Variants in UBR1 observed in about 807,000 individuals in gnomAD.
UBR1 encodes ubiquitin protein ligase E3 component n-recognin 1, also known as E3 ubiquitin-protein ligase UBR1.
Under a neutral mutation model 242.1 loss-of-function variants are expected in UBR1, and 102 were observed. The ratio of observed to expected loss-of-function variants is 0.42; its 90% CI spans 0.36 to 0.50. The LOEUF (loss-of-function observed/expected upper bound fraction) is 0.50, where lower values mean the gene tolerates loss of function less well. UBR1 is among the 20% of genes least tolerant of loss of function. The pLI, the probability that UBR1 is intolerant of heterozygous loss-of-function variation, is 0.01. For synonymous variants in UBR1, 675 were observed against 684.8 expected (o/e 0.99, Z 0.22); for missense variants, 1,772 against 2,101.8 (o/e 0.84, Z 3.07).
chr15:43,007,314 C>G (rs2141289598), intron 29 of UBR1, 30 bp from the exon 30 acceptor site: 1 of 1,609,236 alleles, frequency 6.2e-7, no homozygotes, highest in East Asian at 2.2e-5. Flanking sequence ...GAAATGAGGA[C>G]ACATGTTTTG....
intron 15 of UBR1, among the ~76,000 whole-genome samples, chr15:43,041,603 A>C (rs2033418958): frequency 6.6e-6 from 1 of 152,180 alleles, no homozygotes; most frequent in Non-Finnish European, 1.5e-5. Flanking sequence ...AAAAAACAAA[A>C]AAACAAAAAA....
chr15:42,968,231 A>C (rs1242443938), intron 40 of UBR1, among the ~76,000 whole-genome samples: 1 of 152,118 alleles, frequency 6.6e-6, no homozygotes, highest in East Asian at 1.9e-4. Flanking sequence ...ACAAAAGTAA[A>C]GATGTGTTGA....
intron 1 of UBR1, among the ~76,000 whole-genome samples, chr15:43,087,100 G>A (rs1216921706): frequency 6.6e-6 from 1 of 152,120 alleles, no homozygotes; most frequent in Non-Finnish European, 1.5e-5. Context: ...CTTATCCAAG[G>A]AGTTTTACAA....
At chr15:42,953,909 G>A (rs1481029844) in intron 44 of UBR1, among the ~76,000 whole-genome samples, 2 of 149,144 alleles carry the variant, frequency 1.3e-5, no homozygotes, top group Admixed American at 1.3e-4. Flanking sequence ...TTGAGACAGG[G>A]TCTGGCTCTG....
intron 40 of UBR1, among the ~76,000 whole-genome samples, chr15:42,969,164 T>A (rs1452690989): frequency 6.6e-6 from 1 of 152,196 alleles, no homozygotes; most frequent in Non-Finnish European, 1.5e-5. Context: ...TTTCTCCACA[T>A]CCTCTCCAGC....
Position 43,059,152 on chromosome 15 carries a change from T to G in UBR1, c.1026A>C (p.Glu342Asp), listed in dbSNP as rs2033652682. The stretch of plus-strand genomic sequence containing the variant: ...GACAGGGATTCTCCGAGTCAGGTTC[T>G]TCTCTAAGGCATGCTTGGCAAAAGA... ...RQIFCQACLR[E>D]EPDSENPCLI... The change falls in exon 9 of 47, where the codon GAA (glutamate) becomes GAC (aspartate). Residue 342 changes from glutamate (E) to aspartate (D), a missense_variant. Around this residue, in one of 3 missense-constraint regions of UBR1, gnomAD observed 734 missense variants for 893.3 expected, o/e 0.82. Transcript: ENST00000290650. The G allele has an allele frequency of 6.2e-6, 10 of 1,614,068 alleles. No individual in the cohort carries two copies. Among genetic ancestry groups the G allele is most frequent in the Non-Finnish European group, 7.6e-6 (9 of 1,180,036 alleles).
chr15:42,986,618 C>T (rs575788365), intron 35 of UBR1, among the ~76,000 whole-genome samples: 8 of 152,352 alleles, frequency 5.3e-5, no homozygotes, highest in Middle Eastern at 3.4e-3. Flanking sequence ...ATATAAACCT[C>T]ACCTTTCCTA....
intron 15 of UBR1, among the ~76,000 whole-genome samples, chr15:43,041,996 G>A (rs1476159927): frequency 2.0e-5 from 3 of 152,138 alleles, no homozygotes; most frequent in Non-Finnish European, 4.4e-5. Flanking sequence ...ATATCCATTA[G>A]AATGGTTATT....
chr15:43,067,225 G>GT lies in UBR1; in HGVS notation c.798+672dup, dbSNP rs541752203. On this transcript the variant is annotated intron_variant, in intron 6 of 46. Transcript: ENST00000290650. ...TATTATTAGCTGTTCGTACCCTTTT[G>GT]TTTTTTTTTGACTCCGTTTGCTTTT... Among the ~76,000 whole-genome samples, 159 of 150,340 alleles carry GT rather than the reference G, an allele frequency of 1.1e-3. 2 individuals carry two copies. In the East Asian group the frequency reaches 0.015, roughly 14 times the overall value.
chr15:43,014,536 C>A (rs1023255129), intron 29 of UBR1, among the ~76,000 whole-genome samples: 1 of 151,910 alleles, frequency 6.6e-6, no homozygotes, highest in African/African-American at 2.4e-5. Flanking sequence ...GCCCCACCGC[C>A]CCGTCTGGGA....
At chr15:42,974,194 T>C (rs1293464916) in intron 39 of UBR1, among the ~76,000 whole-genome samples, 2 of 152,112 alleles carry the variant, frequency 1.3e-5, no homozygotes, top group Non-Finnish European at 1.5e-5. Context: ...AGCCATCTTG[T>C]AGGAGTTTTA....
intron 44 of UBR1, among the ~76,000 whole-genome samples, chr15:42,956,636 A>G (rs2031926418): frequency 6.6e-6 from 1 of 152,156 alleles, no homozygotes; most frequent in Non-Finnish European, 1.5e-5. Context: ...TGAAGCAACT[A>G]TTTTGGAACT....
At chr15:43,075,861 C>T (rs1279170944) in intron 3 of UBR1, among the ~76,000 whole-genome samples, 2 of 151,820 alleles carry the variant, frequency 1.3e-5, no homozygotes, top group Non-Finnish European at 2.9e-5. Context: ...GTGATCCGCC[C>T]GCCTCAGCCT....
At chr15:42,978,193 C>G (rs2032319635) in intron 37 of UBR1, among the ~76,000 whole-genome samples, 1 of 152,182 alleles carries the variant, frequency 6.6e-6, no homozygotes, top group African/African-American at 2.4e-5. Context: ...GGCACGTGAA[C>G]TAGGACAACT....
At chr15:43,087,509 T>C (rs2034052319) in intron 1 of UBR1, among the ~76,000 whole-genome samples, 1 of 152,220 alleles carries the variant, frequency 6.6e-6, no homozygotes. Flanking sequence ...AAGGCTTTTT[T>C]AGTTTGTACT....
intron 3 of UBR1, among the ~76,000 whole-genome samples, chr15:43,079,683 G>A (rs2033952681): frequency 1.3e-5 from 2 of 152,320 alleles, no homozygotes; most frequent in African/African-American, 4.8e-5. Context: ...TCAGGAGGCT[G>A]AGGCAGGAGA....
chr15:43,068,311 C>T (rs573555601), intron 5 of UBR1, among the ~76,000 whole-genome samples: 1 of 151,176 alleles, frequency 6.6e-6, no homozygotes, highest in African/African-American at 2.4e-5. Context: ...ACCTCAGCCT[C>T]CTAAGTATCT....
intron 29 of UBR1, among the ~76,000 whole-genome samples, chr15:43,013,831 T>G (rs76285074): frequency 0.026 from 3,927 of 152,292 alleles, 187 homozygotes; most frequent in African/African-American, 0.09. Flanking sequence ...CTATTTAACT[T>G]TTCCTCCAAA....
At chr15:43,096,978 T>A (rs1190748372) in intron 1 of UBR1, among the ~76,000 whole-genome samples, 1 of 152,000 alleles carries the variant, frequency 6.6e-6, no homozygotes, top group Non-Finnish European at 1.5e-5. Context: ...GAATGCTGAA[T>A]CCTTTCCAAA....
Sources: allele counts gnomAD v4.1 joint callset (sites outside exome capture counted in the v4.1 genomes callset), GRCh38; gene constraint gnomAD v4.1.1; regional missense constraint gnomAD v4.1.1; transcripts MANE v1.5; gene names NCBI Gene and HGNC (gene_info 2026-07-23, HGNC 2026-07-21).